Variants in CNTLN observed in about 807,000 individuals in gnomAD.
CNTLN encodes centlein, centrosomal protein.
In CNTLN, 212 loss-of-function variants were observed where a neutral mutation model predicts 180.0. That is an observed-to-expected ratio of 1.18 (90% CI 1.05 to 1.32). CNTLN has a LOEUF of 1.32. Ranked by LOEUF, CNTLN falls within the 40% of genes most tolerant of loss-of-function variation. The probability of loss-of-function intolerance (pLI) is 0.00; values close to 1 mark genes in which losing one functional copy is unlikely to be tolerated. For synonymous variants in CNTLN, 722 were observed against 563.1 expected, an observed-to-expected ratio of 1.28 and a Z score of -3.99; for missense variants, 2,095 against 1,610.9, an observed-to-expected ratio of 1.30 and a Z score of -5.14.
intron 6 of CNTLN, among the ~76,000 whole-genome samples, chr9:17,297,183 G>A (rs997048709): frequency 6.6e-6 from 1 of 152,106 alleles, no homozygotes; most frequent in Admixed American, 6.5e-5. Flanking sequence ...AAACAATACA[G>A]TATAACATTA....
At chr9:17,215,689 G>A (rs1472282461) in intron 2 of CNTLN, among the ~76,000 whole-genome samples, 1 of 152,126 alleles carries the variant, frequency 6.6e-6, no homozygotes, top group Non-Finnish European at 1.5e-5. Context: ...TTGAACTGCG[G>A]TGGGCTCCAC....
intron 15 of CNTLN, among the ~76,000 whole-genome samples, chr9:17,400,762 G>A (rs1826911106): frequency 6.6e-6 from 1 of 152,090 alleles, no homozygotes; most frequent in Non-Finnish European, 1.5e-5. Flanking sequence ...ATATTTGTAT[G>A]TATGTGTGAA....
chr9:17,190,918 A>G (rs1821751023), intron 2 of CNTLN, among the ~76,000 whole-genome samples: 7 of 152,216 alleles, frequency 4.6e-5, no homozygotes, highest in Admixed American at 4.6e-4. Context: ...ATTATAATTC[A>G]TAGTCATTTA....
intron 5 of CNTLN, among the ~76,000 whole-genome samples, chr9:17,244,894 T>G (rs1045254237): frequency 6.6e-6 from 1 of 152,216 alleles, no homozygotes; most frequent in Non-Finnish European, 1.5e-5. Context: ...TAACACTGAT[T>G]GCATATACAA....
At chr9:17,204,782 G>A (rs1391818634) in intron 2 of CNTLN, among the ~76,000 whole-genome samples, 2 of 152,162 alleles carry the variant, frequency 1.3e-5, no homozygotes, top group Non-Finnish European at 2.9e-5. Flanking sequence ...CTAAAGCTGA[G>A]CCCACAGCCG....
At chr9:17,430,706 T>C (rs1296596145) in intron 18 of CNTLN, among the ~76,000 whole-genome samples, 1 of 152,132 alleles carries the variant, frequency 6.6e-6, no homozygotes, top group African/African-American at 2.4e-5. Context: ...CCCCGACGCC[T>C]GCCACCCTTT....
At chr9:17,326,100 T>G (rs1820272037) in intron 8 of CNTLN, among the ~76,000 whole-genome samples, 1 of 152,104 alleles carries the variant, frequency 6.6e-6, no homozygotes, top group South Asian at 2.1e-4. Context: ...ACTTTTCAAT[T>G]AAAATTAGCT....
chr9:17,243,975 A>C (rs1317468017), intron 5 of CNTLN, among the ~76,000 whole-genome samples: 1 of 152,018 alleles, frequency 6.6e-6, no homozygotes, highest in Non-Finnish European at 1.5e-5. Flanking sequence ...TTCTTTATAT[A>C]TCTTGGTGCT....
intron 13 of CNTLN, 75 bp from the exon 14 acceptor site, chr9:17,388,087 C>G: frequency 3.3e-6 from 3 of 907,214 alleles, no homozygotes; most frequent in Non-Finnish European, 4.9e-6. Flanking sequence ...ACCATAGAAC[C>G]CTTTTTCTTA....
intron 6 of CNTLN, among the ~76,000 whole-genome samples, chr9:17,290,128 A>G (rs1829272118): frequency 1.3e-5 from 2 of 151,802 alleles, no homozygotes; most frequent in Non-Finnish European, 2.9e-5. Context: ...TTTTTTCCCC[A>G]TCTTTGTGGT....
intron 13 of CNTLN, among the ~76,000 whole-genome samples, chr9:17,380,246 G>T (rs928783894): frequency 6.6e-6 from 1 of 152,140 alleles, no homozygotes; most frequent in African/African-American, 2.4e-5. Flanking sequence ...TTGGGGGAGG[G>T]TATGGGAGGA....
intron 15 of CNTLN, among the ~76,000 whole-genome samples, chr9:17,398,407 G>A (rs1385414905): frequency 2.0e-5 from 3 of 152,132 alleles, no homozygotes; most frequent in Admixed American, 6.5e-5. Context: ...GTGATGGGGG[G>A]AGGGGGAGTT....
chr9:17,312,522 G>A (rs1434915547), intron 8 of CNTLN, among the ~76,000 whole-genome samples: 1 of 149,098 alleles, frequency 6.7e-6, no homozygotes, highest in African/African-American at 2.5e-5. Flanking sequence ...GAGTAGCTGG[G>A]ACTACAGGTG....
intron 2 of CNTLN, among the ~76,000 whole-genome samples, chr9:17,172,038 G>C (rs888219853): frequency 2.0e-5 from 3 of 152,132 alleles, no homozygotes. Flanking sequence ...CGGCCATTGA[G>C]CTGGGGTTTG....
intron 6 of CNTLN, among the ~76,000 whole-genome samples, chr9:17,282,621 T>C (rs1194365486): frequency 6.6e-6 from 1 of 152,220 alleles, no homozygotes; most frequent in African/African-American, 2.4e-5. Context: ...TTGCTTTTGT[T>C]ACAATTGCTT....
At chr9:17,209,782 A>T (rs1033017911) in intron 2 of CNTLN, among the ~76,000 whole-genome samples, 3 of 152,218 alleles carry the variant, frequency 2.0e-5, no homozygotes, top group African/African-American at 7.2e-5. Flanking sequence ...CATGACTTCT[A>T]TAAGAATGTG....
At chr9:17,233,532 C>A (rs4458955) in intron 3 of CNTLN, among the ~76,000 whole-genome samples, 1 of 151,838 alleles carries the variant, frequency 6.6e-6, no homozygotes, top group Non-Finnish European at 1.5e-5. Context: ...TTGCAGTCTG[C>A]AGTTTGAAAA....
At chr9:17,298,971 T>C in intron 7 of CNTLN, 1 of 981,680 alleles carries the variant, frequency 1.0e-6, no homozygotes, top group Non-Finnish European at 1.2e-6. Context: ...TGGCCGGGCA[T>C]GGTGGCTCAT....
At chr9:17,420,856 T>C (rs547613257) in intron 18 of CNTLN, among the ~76,000 whole-genome samples, 2 of 152,320 alleles carry the variant, frequency 1.3e-5, no homozygotes, top group East Asian at 3.9e-4. Context: ...TTTCCATGTG[T>C]TTCTATAATT....
Sources: allele counts gnomAD v4.1 joint callset (sites outside exome capture counted in the v4.1 genomes callset), GRCh38; gene constraint gnomAD v4.1.1; transcripts MANE v1.5; gene names NCBI Gene and HGNC (gene_info 2026-07-23, HGNC 2026-07-21).